Variants in HORMAD2 observed in about 807,000 individuals in gnomAD.
The protein encoded by HORMAD2 is HORMA domain-containing protein 2.
In HORMAD2, 45 loss-of-function variants were observed where a neutral mutation model predicts 38.8. The ratio of observed to expected loss-of-function variants is 1.16; its 90% CI spans 0.91 to 1.49. The LOEUF is 1.49. Ranked by LOEUF, HORMAD2 falls within the 40% of genes most tolerant of loss-of-function variation. The pLI, the probability that HORMAD2 is intolerant of heterozygous loss-of-function variation, is 0.00. For missense variants in HORMAD2, 338 were observed against 367.0 expected (o/e 0.92, Z 0.65); for synonymous variants, 126 against 122.8 (o/e 1.03, Z -0.17).
At chr22:30,137,411 C>T in intron 10 of HORMAD2, 1 of 440,630 alleles carries the variant, frequency 2.3e-6, no homozygotes, top group Non-Finnish European at 4.5e-6. Context: ...TATTTGAGCC[C>T]AGGAGGTCAA....
At chr22:30,170,380 C>T (rs192509229) in intron 10 of HORMAD2, among the ~76,000 whole-genome samples, 2 of 152,278 alleles carry the variant, frequency 1.3e-5, no homozygotes, top group East Asian at 1.9e-4. Context: ...CCTGAACTGC[C>T]TTTCCTGTGT....
At chr22:30,118,278 C>T (rs139503408) in intron 7 of HORMAD2, among the ~76,000 whole-genome samples, 2 of 152,216 alleles carry the variant, frequency 1.3e-5, no homozygotes, top group East Asian at 3.9e-4. Flanking sequence ...TCCTCTCTGA[C>T]CCTAGAAGAG....
At chr22:30,206,343 A>G in the HORMAD2 span, among the ~76,000 whole-genome samples, 2 of 152,100 alleles carry the variant, frequency 1.3e-5, no homozygotes, top group Non-Finnish European at 2.9e-5. Flanking sequence ...ATTTTGTATT[A>G]GAGATGGGGT....
At chr22:30,162,406 A>G (rs1255302391) in intron 10 of HORMAD2, among the ~76,000 whole-genome samples, 3 of 152,150 alleles carry the variant, frequency 2.0e-5, no homozygotes, top group Non-Finnish European at 2.9e-5. Flanking sequence ...AGTACTTGAA[A>G]TGTGGCTAGT....
At chr22:30,155,572 C>T (rs920554871) in intron 10 of HORMAD2, among the ~76,000 whole-genome samples, 2 of 152,064 alleles carry the variant, frequency 1.3e-5, no homozygotes, top group East Asian at 1.9e-4. Flanking sequence ...CTTCAAGGAT[C>T]CCTGGTTTTT....
the HORMAD2 span, among the ~76,000 whole-genome samples, chr22:30,201,042 G>A: frequency 6.6e-6 from 1 of 152,048 alleles, no homozygotes; most frequent in African/African-American, 2.4e-5. Context: ...GAGCCACCAC[G>A]CCCGGCCAGA....
intron 1 of HORMAD2, among the ~76,000 whole-genome samples, chr22:30,084,942 G>A (rs538525408): frequency 1.1e-4 from 16 of 151,916 alleles, no homozygotes; most frequent in African/African-American, 1.7e-4. Flanking sequence ...TCAGGAGTTC[G>A]AGACCATCGT....
At chr22:30,189,672 T>C in the HORMAD2 span, among the ~76,000 whole-genome samples, 1 of 152,130 alleles carries the variant, frequency 6.6e-6, no homozygotes, top group Non-Finnish European at 1.5e-5. Flanking sequence ...TCCTCCTTCA[T>C]TCCTTGCCCA....
At chr22:30,078,992 T>C (rs980903498), upstream of HORMAD2, among the ~76,000 whole-genome samples, 11 of 152,060 alleles carry the variant, frequency 7.2e-5, no homozygotes, top group Non-Finnish European at 1.3e-4. Context: ...TCTAGAGAAA[T>C]TTTTGGTTGT....
chr22:30,145,052 T>C (rs1924327515), intron 10 of HORMAD2, among the ~76,000 whole-genome samples: 1 of 152,180 alleles, frequency 6.6e-6, no homozygotes, highest in South Asian at 2.1e-4. Context: ...CCAACTTTTG[T>C]TGTTCTTGGC....
At chr22:30,159,005 T>C (rs1925279803) in intron 10 of HORMAD2, among the ~76,000 whole-genome samples, 1 of 152,100 alleles carries the variant, frequency 6.6e-6, no homozygotes, top group African/African-American at 2.4e-5. Context: ...AAAACTTTAG[T>C]CACAAAAAAT....
chr22:30,123,521 A>T (rs2146133487), intron 10 of HORMAD2, among the ~76,000 whole-genome samples: 1 of 151,822 alleles, frequency 6.6e-6, no homozygotes, highest in East Asian at 1.9e-4. Context: ...TTTTTTGTAG[A>T]GACAAGGGTC....
At chr22:30,125,310 C>T (rs1922785154) in intron 10 of HORMAD2, among the ~76,000 whole-genome samples, 1 of 138,480 alleles carries the variant, frequency 7.2e-6, no homozygotes. Flanking sequence ...TCACGGTAAC[C>T]TTCTTTCTCC....
intron 1 of HORMAD2, among the ~76,000 whole-genome samples, chr22:30,089,726 A>G (rs1185264569): frequency 6.6e-6 from 1 of 152,202 alleles, no homozygotes; most frequent in Non-Finnish European, 1.5e-5. Flanking sequence ...TTATTGTGGT[A>G]AACTGTAATA....
the HORMAD2 span, among the ~76,000 whole-genome samples, chr22:30,197,115 G>T: frequency 6.6e-6 from 1 of 152,092 alleles, no homozygotes; most frequent in African/African-American, 2.4e-5. Flanking sequence ...TTTTTGGGCA[G>T]GCTTTTCCCT....
At chr22:30,096,207 C>T (rs2068778872) in intron 2 of HORMAD2, among the ~76,000 whole-genome samples, 1 of 152,078 alleles carries the variant, frequency 6.6e-6, no homozygotes, top group Non-Finnish European at 1.5e-5. Flanking sequence ...TGGGTGGTTT[C>T]CAGCATGGGT....
intron 7 of HORMAD2, among the ~76,000 whole-genome samples, chr22:30,114,993 A>G (rs1921936377): frequency 6.6e-6 from 1 of 152,240 alleles, no homozygotes; most frequent in Non-Finnish European, 1.5e-5. Context: ...CAAAATGTAA[A>G]TAAGATTTAC....
intron 10 of HORMAD2, among the ~76,000 whole-genome samples, chr22:30,157,645 CCT>C (rs1925164612): frequency 6.6e-6 from 1 of 152,198 alleles, no homozygotes; most frequent in Admixed American, 6.5e-5. Flanking sequence ...CTTCTGTGAT[CCT>C]CTTTTTCTTC....
chr22:30,199,259 C>G, the HORMAD2 span, among the ~76,000 whole-genome samples: 2 of 152,244 alleles, frequency 1.3e-5, no homozygotes, highest in African/African-American at 2.4e-5. Flanking sequence ...AGCATGCTAT[C>G]TTTCCTACCT....
Sources: allele counts gnomAD v4.1 joint callset (sites outside exome capture counted in the v4.1 genomes callset), GRCh38; gene constraint gnomAD v4.1.1; transcripts MANE v1.5; gene names NCBI Gene and HGNC (gene_info 2026-07-23, HGNC 2026-07-21).